The following C8orf76 variants were observed in gnomAD, a reference collection of about 807,000 sequenced individuals.
The protein encoded by C8orf76 is uncharacterized protein C8orf76.
A neutral mutation model predicts 38.1 loss-of-function variants in C8orf76; 46 were observed. That is an observed-to-expected ratio of 1.21 (90% CI 0.95 to 1.54). The LOEUF (loss-of-function observed/expected upper bound fraction) is 1.54, where lower values mean the gene tolerates loss of function less well. Ranked by LOEUF, C8orf76 falls within the 40% of genes most tolerant of loss-of-function variation. C8orf76 has a pLI of 0.00. For synonymous variants in C8orf76, 166 were observed against 167.5 expected (o/e 0.99, Z 0.07); for missense variants, 461 against 441.6 (o/e 1.04, Z -0.39).
At chr8:123,234,908 G>C (rs1825404851) in intron 3 of C8orf76, among the ~76,000 whole-genome samples, 1 of 152,170 alleles carries the variant, frequency 6.6e-6, no homozygotes, top group Non-Finnish European at 1.5e-5. Flanking sequence ...GCTGCAGTGA[G>C]CCAAGATCGC....
At chr8:123,227,771 C>G (rs1392098704) in intron 4 of C8orf76, among the ~76,000 whole-genome samples, 2 of 152,126 alleles carry the variant, frequency 1.3e-5, no homozygotes, top group Non-Finnish European at 2.9e-5. Context: ...TCAGACCTTG[C>G]AGGCCATGGA....
intron 1 of C8orf76, among the ~76,000 whole-genome samples, chr8:123,240,295 G>A (rs1825638005): frequency 6.6e-6 from 1 of 152,126 alleles, no homozygotes; most frequent in South Asian, 2.1e-4. Flanking sequence ...ATGATCCAGG[G>A]CTGAAGGTAA....
At chr8:123,240,480 T>C (rs1696086750) in intron 1 of C8orf76, among the ~76,000 whole-genome samples, 1 of 152,248 alleles carries the variant, frequency 6.6e-6, no homozygotes, top group African/African-American at 2.4e-5. Flanking sequence ...TCCATAAATA[T>C]TAGTTTTGAC....
At chr8:123,227,264 T>A (rs1235362224) in intron 4 of C8orf76, among the ~76,000 whole-genome samples, 1 of 152,016 alleles carries the variant, frequency 6.6e-6, no homozygotes, top group East Asian at 1.9e-4. Flanking sequence ...TCCTTTTTTT[T>A]TTTTTTTTTA....
intron 3 of C8orf76, chr8:123,236,994 G>C (rs1825514581): frequency 6.5e-7 from 1 of 1,543,058 alleles, no homozygotes; most frequent in East Asian, 2.3e-5. Flanking sequence ...GAGGATGGCC[G>C]CACTCTCTCA....
rs1242304250 is a variant in C8orf76, at chr8:123,231,416, A to G, written c.699T>C (p.Ser233=). 6.2e-7 allele frequency: 1 copy of G among 1,614,224 alleles called. No individual in the cohort carries two copies. The highest frequency in any genetic ancestry group is 8.5e-7 in the Non-Finnish European group (1 of 1,180,046). The change falls in exon 4 of 6, where the codon AGT becomes AGC. Residue 233 remains serine (S), a synonymous_variant. Transcript: ENST00000276704. Reference sequence around the variant, plus strand: ...GAGCTTTCTCATTTTTCTGGCTATTACTGCTATTCGCTTCCACAGAAAATA... The same window carrying G: ...GAGCTTTCTCATTTTTCTGGCTATTGCTGCTATTCGCTTCCACAGAAAATA... ...SSLFSVEANS[S]NSQKNEKALT...
At chr8:123,223,758 T>C (rs1184193181) in intron 5 of C8orf76, among the ~76,000 whole-genome samples, 1 of 152,242 alleles carries the variant, frequency 6.6e-6, no homozygotes, top group Non-Finnish European at 1.5e-5. Context: ...TACATATATA[T>C]GAATATTATT....
intron 1 of C8orf76, among the ~76,000 whole-genome samples, chr8:123,240,854 G>A (rs1280651977): frequency 2.0e-5 from 3 of 152,226 alleles, no homozygotes; most frequent in African/African-American, 4.8e-5. Flanking sequence ...GCCGAAGAGG[G>A]AGGGGAGAGT....
intron 2 of C8orf76, 33 bp downstream of exon 2, chr8:123,239,016 A>G: frequency 6.2e-7 from 1 of 1,603,566 alleles, no homozygotes. Context: ...ATAAAACAAG[A>G]GCCCACTTCA....
At chr8:123,230,299 A>G (rs143277029) in intron 4 of C8orf76, among the ~76,000 whole-genome samples, 49 of 152,088 alleles carry the variant, frequency 3.2e-4, no homozygotes, top group African/African-American at 1.1e-3. Flanking sequence ...AGCATCATCT[A>G]CTCCCATTAT....
chr8:123,226,305 G>A, intron 5 of C8orf76, 195 bp downstream of exon 5: 1 of 1,411,226 alleles, frequency 7.1e-7, no homozygotes, highest in Non-Finnish European at 9.1e-7. Flanking sequence ...CACAGCCCCT[G>A]CGGTCCCGCA....
At chr8:123,234,179 C>T (rs1369983978) in intron 3 of C8orf76, among the ~76,000 whole-genome samples, 2 of 152,126 alleles carry the variant, frequency 1.3e-5, no homozygotes, top group East Asian at 3.8e-4. Flanking sequence ...TCATTTAATC[C>T]TCCTGACAGT....
intron 2 of C8orf76, among the ~76,000 whole-genome samples, chr8:123,238,248 C>T (rs1286259126): frequency 2.0e-5 from 3 of 152,100 alleles, no homozygotes; most frequent in Non-Finnish European, 4.4e-5. Flanking sequence ...GGTAGTTAGT[C>T]TCAGGAGATC....
intron 5 of C8orf76, among the ~76,000 whole-genome samples, chr8:123,225,002 GT>G (rs907223862): frequency 5.3e-5 from 8 of 151,884 alleles, no homozygotes; most frequent in African/African-American, 1.5e-4. Flanking sequence ...GATCAGAAGT[GT>G]TTTTTTGTGT....
intron 4 of C8orf76, among the ~76,000 whole-genome samples, chr8:123,227,973 A>C (rs1317471905): frequency 6.6e-6 from 1 of 151,692 alleles, no homozygotes; most frequent in African/African-American, 2.4e-5. Flanking sequence ...CTCTGGATAT[A>C]CTCCAGGCAC....
At chr8:123,237,129 G>A (rs911649750) in intron 3 of C8orf76, 4 of 877,966 alleles carry the variant, frequency 4.6e-6, no homozygotes, top group South Asian at 1.3e-5. Context: ...TGCCGCAAGT[G>A]CTGTGCCCGC....
intron 1 of C8orf76, 68 bp from the exon 2 acceptor site, chr8:123,239,212 T>A: frequency 6.6e-7 from 1 of 1,507,148 alleles, no homozygotes; most frequent in Non-Finnish European, 9.2e-7. Flanking sequence ...CAGAAGCAAT[T>A]TCCCATAATA....
chr8:123,226,367 C>G (rs1167523439), intron 5 of C8orf76, 133 bp downstream of exon 5: 2 of 1,496,808 alleles, frequency 1.3e-6, no homozygotes, highest in Non-Finnish European at 1.8e-6. Flanking sequence ...GCTGAGTGAT[C>G]AAAAGGCACA....
At chr8:123,229,981 A>G (rs1825190469) in intron 4 of C8orf76, among the ~76,000 whole-genome samples, 2 of 152,044 alleles carry the variant, frequency 1.3e-5, no homozygotes, top group African/African-American at 4.8e-5. Context: ...ACACCACTGC[A>G]CTCCAGCCTG....
Sources: gnomAD v4.1 joint callset for allele counts (sites outside exome capture counted in the v4.1 genomes callset) on GRCh38, gnomAD v4.1.1 for gene constraint, MANE v1.5 for transcripts, NCBI Gene and HGNC (gene_info 2026-07-23, HGNC 2026-07-21) for gene names.